The following ASXL2 variants were observed in gnomAD, a reference collection of about 807,000 sequenced individuals.
The protein encoded by ASXL2 is ASXL transcriptional regulator 2, also known as putative Polycomb group protein ASXL2.
A neutral mutation model predicts 122.0 loss-of-function variants in ASXL2; 23 were observed. The ratio of observed to expected loss-of-function variants is 0.19; its 90% CI spans 0.14 to 0.27. The LOEUF (loss-of-function observed/expected upper bound fraction) is 0.27, where lower values mean the gene tolerates loss of function less well. Among genes scored for constraint, ASXL2 ranks in the 10% least tolerant of loss-of-function variants. The pLI is 1.00. For synonymous variants in ASXL2, 650 were observed against 637.0 expected, an observed-to-expected ratio of 1.02 and a Z score of -0.31; for missense variants, 1,518 against 1,713.8, an observed-to-expected ratio of 0.89 and a Z score of 2.02.
chr2:25,846,729 T>C (rs1374461846), intron 1 of ASXL2, among the ~76,000 whole-genome samples: 1 of 152,116 alleles, frequency 6.6e-6, no homozygotes, highest in Non-Finnish European at 1.5e-5. Context: ...GATGTGAGAA[T>C]AGCTTGAACC....
Position 25,825,897 on chromosome 2 carries a change from C to T in ASXL2, c.143+9641G>A, listed in dbSNP as rs569652107. 2.0e-5 allele frequency among the ~76,000 whole-genome samples: 3 copies of T among 152,320 alleles called. No individual in the cohort carries two copies. The South Asian group carries it at 6.2e-4, about 32-fold the overall frequency. On this transcript the variant is annotated intron_variant, in intron 3 of 12. Transcript: ENST00000435504. ...TACACAACTCTCTCTCTGTTTTCAA[C>T]ACCTACTAACAAAAATCAGATAAGA...
In ASXL2 at chr2:25,753,711, G is replaced by GATA. The variant is rs2088085556; in HGVS notation, c.1037-73_1037-72insTAT. On this transcript the variant is annotated intron_variant, in intron 10 of 12. Coordinates refer to ENST00000435504, the MANE Select transcript of ASXL2 (RefSeq NM_018263.6). ...CAACATGTAACTATTTATAAATCAT[G>GATA]AAAGACTCACGCAGGAATTGGAATA... 3 of 1,173,404 alleles carry GATA rather than the reference G, an allele frequency of 2.6e-6. No individual in the cohort carries two copies. In the African/African-American group the frequency reaches 4.6e-5, roughly 18 times the overall value. 72.7% of individuals were successfully genotyped at this position (1,173,404 alleles called of 1,614,324 possible).
In ASXL2 at chr2:25,878,022, C is replaced by A. The variant is rs568532128; in HGVS notation, c.57+144G>T. 88 of 1,030,096 alleles carry A rather than the reference C, an allele frequency of 8.5e-5. 1 individual carries two copies. The East Asian group carries it at 2.0e-3, about 23-fold the overall frequency. The allele number at this position is 1,030,096 out of a possible 1,614,324, so 63.8% of individuals were successfully genotyped here. A position where few individuals can be genotyped will look rare whatever the true frequency, so the allele number is the denominator to read the frequency against. On this transcript the variant is annotated intron_variant, in intron 1 of 12. Transcript: ENST00000435504. ...CCTCCATTCCCACAGGGATCGCAAC[C>A]CCGACACTAACCGCCGCCCTCTCCG...
At chr2:25,859,027 T>C (rs1034950485) in intron 1 of ASXL2, among the ~76,000 whole-genome samples, 2 of 151,690 alleles carry the variant, frequency 1.3e-5, no homozygotes, top group African/African-American at 4.8e-5. Flanking sequence ...TTGGCCAGGC[T>C]GGTCTCAAAA....
chr2:25,808,700 G>C (rs2089120454), intron 3 of ASXL2, among the ~76,000 whole-genome samples: 2 of 152,114 alleles, frequency 1.3e-5, no homozygotes, highest in Admixed American at 1.3e-4. Context: ...GGAGAGACCT[G>C]TTCTTTATTT....
chr2:25,851,355 C>T (rs910136160), intron 1 of ASXL2, among the ~76,000 whole-genome samples: 2 of 152,136 alleles, frequency 1.3e-5, no homozygotes, highest in African/African-American at 4.8e-5. Flanking sequence ...TGTATTTCCT[C>T]ACTTGTGAAT....
intron 1 of ASXL2, among the ~76,000 whole-genome samples, chr2:25,861,319 T>A (rs979979165): frequency 6.6e-6 from 1 of 151,720 alleles, no homozygotes; most frequent in African/African-American, 2.4e-5. Context: ...ATTGAAAAAA[T>A]AAAGAAATCT....
chr2:25,828,649 C>T (rs777207723), intron 3 of ASXL2, among the ~76,000 whole-genome samples: 1 of 151,226 alleles, frequency 6.6e-6, no homozygotes, highest in African/African-American at 2.4e-5. Flanking sequence ...CATAGTGAAA[C>T]CCCATCTCTA....
intron 5 of ASXL2, among the ~76,000 whole-genome samples, chr2:25,782,555 A>G (rs980150181): frequency 6.6e-6 from 1 of 152,020 alleles, no homozygotes; most frequent in African/African-American, 2.4e-5. Context: ...CAGAAAAAAC[A>G]AAACAAAACA....
intron 5 of ASXL2, among the ~76,000 whole-genome samples, chr2:25,795,533 A>G (rs1467719511): frequency 6.6e-6 from 1 of 152,186 alleles, no homozygotes; most frequent in African/African-American, 2.4e-5. Flanking sequence ...CACAGATACA[A>G]CAGCCACTAT....
At chr2:25,867,544 A>G (rs11897276) in intron 1 of ASXL2, among the ~76,000 whole-genome samples, 42,476 of 152,022 alleles carry the variant, frequency 0.28, 6,251 homozygotes, top group African/African-American at 0.33. Context: ...CGACAAAAGA[A>G]AGTTTTATCT....
chr2:25,746,423 AT>A (rs1408784758), intron 12 of ASXL2, among the ~76,000 whole-genome samples: 1 of 151,968 alleles, frequency 6.6e-6, no homozygotes, highest in East Asian at 1.9e-4. Context: ...ATCACATAGC[AT>A]TTTAGAGGCT....
At chr2:25,819,078 C>T (rs765510660) in intron 3 of ASXL2, among the ~76,000 whole-genome samples, 7 of 152,150 alleles carry the variant, frequency 4.6e-5, no homozygotes, top group Non-Finnish European at 8.8e-5. Flanking sequence ...AATCCAGACC[C>T]TCAATCTGAT....
intron 3 of ASXL2, among the ~76,000 whole-genome samples, chr2:25,822,288 G>C (rs547728837): frequency 6.6e-6 from 1 of 152,304 alleles, no homozygotes; most frequent in Non-Finnish European, 1.5e-5. Context: ...CGCTCTTTCT[G>C]CGCGGTGCAT....
Position 25,799,415 on chromosome 2 carries a change from C to G in ASXL2, c.373G>C (p.Glu125Gln). Reference sequence around the variant, plus strand: ...CTTTTCCACCTGCTCTTTTTTCCCTCCTTGTTGCTGCCACCATCACTGCTG... The same window carrying G: ...CTTTTCCACCTGCTCTTTTTTCCCTGCTTGTTGCTGCCACCATCACTGCTG... ...SSSSDGGSNK[E>Q]GKKSRWKRKV... The change falls in exon 5 of 13, where the codon GAG becomes CAG. Residue 125 changes from glutamate to glutamine, a missense_variant. This residue lies in a region of ASXL2 where 198 missense variants were observed against 209.0 expected (regional missense o/e 0.95). Transcript: ENST00000435504. The G allele has an allele frequency of 3.1e-6, 5 of 1,613,944 alleles. No homozygotes were observed. The highest frequency in any genetic ancestry group is 4.2e-6 in the Non-Finnish European group (5 of 1,179,856).
At position 25,749,861 on chromosome 2, in the gene ASXL2, G is replaced by A; in HGVS notation, c.1695C>T (p.Ser565=). Residue 565 remains serine (S), a synonymous_variant, in exon 12 of 13, where the codon AGC becomes AGT. Coordinates refer to ENST00000435504, the MANE Select transcript of ASXL2 (RefSeq NM_018263.6). ...LATLVDQSPE[S]LKRKSSLTQE... ...GGGTGAGGGAAGACTTCCTCTTGAG[G>A]CTTTCTGGGCTCTGATCAACAAGAG... 6.2e-7 allele frequency: 1 copy of A among 1,610,058 alleles called. No individual in the cohort carries two copies. Among genetic ancestry groups the A allele is most frequent in the Non-Finnish European group, 8.5e-7 (1 of 1,178,662 alleles).
intron 5 of ASXL2, among the ~76,000 whole-genome samples, chr2:25,793,990 C>G (rs2088875360): frequency 6.6e-6 from 1 of 152,162 alleles, no homozygotes; most frequent in Non-Finnish European, 1.5e-5. Context: ...AGAAAATCTC[C>G]TAAAGGTCTC....
At chr2:25,871,902 T>C (rs2089964705) in intron 1 of ASXL2, among the ~76,000 whole-genome samples, 1 of 152,264 alleles carries the variant, frequency 6.6e-6, no homozygotes, top group Non-Finnish European at 1.5e-5. Flanking sequence ...AAATACACAG[T>C]TGTTTTGAAA....
chr2:25,829,856 C>T (rs1456875843), intron 3 of ASXL2, among the ~76,000 whole-genome samples: 1 of 152,188 alleles, frequency 6.6e-6, no homozygotes. Context: ...CCTTGTGGGC[C>T]TGAGACTACA....
Sources: allele counts gnomAD v4.1 joint callset (sites outside exome capture counted in the v4.1 genomes callset), GRCh38; gene constraint gnomAD v4.1.1; regional missense constraint gnomAD v4.1.1; transcripts MANE v1.5; gene names NCBI Gene and HGNC (gene_info 2026-07-23, HGNC 2026-07-21).